ITGA6: variants seen among roughly 807,000 people sequenced by gnomAD.
The protein encoded by ITGA6 is integrin subunit alpha 6.
Under a neutral mutation model 133.6 loss-of-function variants are expected in ITGA6, and 63 were observed. The observed-to-expected ratio is 0.47, with a 90% CI of 0.38 to 0.58. The LOEUF is 0.58. Among genes scored for constraint, ITGA6 ranks in the 20% least tolerant of loss-of-function variants. The pLI is 0.00. For missense variants in ITGA6, 1,068 were observed against 1,309.4 expected (o/e 0.82, Z 2.85); for synonymous variants, 434 against 482.0 (o/e 0.90, Z 1.30).
At chr2:172,456,005 G>T (rs1366864158) in intron 1 of ITGA6, among the ~76,000 whole-genome samples, 1 of 152,224 alleles carries the variant, frequency 6.6e-6, no homozygotes, top group African/African-American at 2.4e-5. Flanking sequence ...AGGCAGGGAA[G>T]TGGGGGGACC....
At chr2:172,475,772 A>C in intron 8 of ITGA6, 87 bp downstream of exon 8, 1 of 797,868 alleles carries the variant, frequency 1.3e-6, no homozygotes, top group Non-Finnish European at 2.3e-6. Context: ...CTTTTCACAC[A>C]AATCTTATTT....
At chr2:172,444,708 C>T (rs930421543) in intron 1 of ITGA6, among the ~76,000 whole-genome samples, 5 of 142,626 alleles carry the variant, frequency 3.5e-5, no homozygotes, top group Non-Finnish European at 7.6e-5. Context: ...GTTTCTTTCT[C>T]TACTTCCCTG....
At chr2:172,502,452 G>C (rs74619114) in intron 25 of ITGA6, among the ~76,000 whole-genome samples, 1 of 152,092 alleles carries the variant, frequency 6.6e-6, no homozygotes, top group East Asian at 1.9e-4. Context: ...GCTTTTTACT[G>C]TTGCTCAGGA....
intron 1 of ITGA6, 144 bp downstream of exon 1, chr2:172,428,114 A>G (rs1472171078): frequency 5.6e-6 from 4 of 714,334 alleles, no homozygotes; most frequent in East Asian, 4.4e-5. Context: ...CCCAGCGCCC[A>G]GCGCGCTCGG....
chr2:172,466,547 G>C lies in ITGA6; in HGVS notation c.307+884G>C, dbSNP rs146479038. Reference sequence around the variant, plus strand: ...AGGCGTGAGAATTGTTTGAACCTGGGAGGCAGAGGCTGCAGTGAGCCAAAA... The same window carrying C: ...AGGCGTGAGAATTGTTTGAACCTGGCAGGCAGAGGCTGCAGTGAGCCAAAA... On this transcript the variant is annotated intron_variant, in intron 2 of 25. Transcript: ENST00000684293. 5.1e-3 allele frequency among the ~76,000 whole-genome samples: 784 copies of C among 152,262 alleles called. 18 individuals are homozygous for C. Among genetic ancestry groups the C allele is most frequent in the East Asian group, 0.044 (226 of 5,174 alleles).
chr2:172,463,226 C>T (rs949368761), intron 1 of ITGA6, among the ~76,000 whole-genome samples: 1 of 152,144 alleles, frequency 6.6e-6, no homozygotes, highest in African/African-American at 2.4e-5. Context: ...GGAAATAAGC[C>T]CTGTGCCTGC....
chr2:172,471,546 C>T (rs1017314809), intron 5 of ITGA6, among the ~76,000 whole-genome samples: 1 of 152,146 alleles, frequency 6.6e-6, no homozygotes, highest in African/African-American at 2.4e-5. Context: ...AAGTCAAGAC[C>T]TCCAGGTCCT....
chr2:172,451,592 A>C (rs1292460762), intron 1 of ITGA6, among the ~76,000 whole-genome samples: 1 of 152,034 alleles, frequency 6.6e-6, no homozygotes, highest in Non-Finnish European at 1.5e-5. Context: ...CTGAGTATGG[A>C]GTTAGGAGAG....
rs1176658454 is a variant in ITGA6 at position 172,497,959 on chromosome 2, C to A, written c.2989-16C>A. On this transcript the variant is annotated splice_polypyrimidine_tract_variant and intron_variant, in intron 23 of 25. Coordinates refer to ENST00000684293, the MANE Select transcript of ITGA6 (RefSeq NM_000210.4). ...CCGCTGTATGTAGTAATGCTGCTTT[C>A]TTTTCTGCCCTGTAGGTTCGAGTGA... 2 of 1,613,736 alleles carry A rather than the reference C, an allele frequency of 1.2e-6. No homozygotes were observed. The highest frequency in any genetic ancestry group is 1.7e-5 in the Admixed American group (1 of 60,024).
chr2:172,459,077 A>T (rs1399201132), intron 1 of ITGA6, among the ~76,000 whole-genome samples: 1 of 152,170 alleles, frequency 6.6e-6, no homozygotes, highest in Non-Finnish European at 1.5e-5. Context: ...GAAAGAGGAC[A>T]GAAAACATAC....
At chr2:172,495,085 G>A (rs1223410903) in intron 23 of ITGA6, among the ~76,000 whole-genome samples, 1 of 152,144 alleles carries the variant, frequency 6.6e-6, no homozygotes, top group Non-Finnish European at 1.5e-5. Context: ...TCCCTTCATT[G>A]GGTGACTTCC....
chr2:172,501,881 A>C lies in ITGA6; in HGVS notation c.*2A>C. The C allele has an allele frequency of 6.2e-7, 1 of 1,612,208 alleles. No homozygotes were observed. Among genetic ancestry groups the C allele is most frequent in the Non-Finnish European group, 8.5e-7 (1 of 1,179,322 alleles). ...GAGAGGCTTACTTCTGATGCATAGT[A>C]TTGATCTACTTCTGTAATTGGTAAT... is the stretch of plus-strand genomic sequence containing the variant. On this transcript the variant is annotated 3_prime_UTR_variant, in exon 25 of 26. Transcript: ENST00000684293.
At chr2:172,446,663 G>A (rs919261468) in intron 1 of ITGA6, among the ~76,000 whole-genome samples, 12 of 152,208 alleles carry the variant, frequency 7.9e-5, no homozygotes, top group African/African-American at 2.7e-4. Context: ...TTTGGCAACT[G>A]ATAAGTCGGG....
rs575181457 is a variant in ITGA6 at position 172,444,104 on chromosome 2, A to G, written c.182+16134A>G. On this transcript the variant is annotated intron_variant, in intron 1 of 25. Transcript: ENST00000684293. The stretch of plus-strand genomic sequence containing the variant: ...TTTCATTTGATCCTTGCAACACCCT[A>G]TGAGAATATTTAGATAGAACGATTT... Among the ~76,000 whole-genome samples the G allele has an allele frequency of 2.6e-5, 4 of 152,262 alleles. No individual in the cohort carries two copies. The East Asian group carries it at 5.8e-4, about 22-fold the overall frequency.
At chr2:172,438,010 A>C (rs911729561) in intron 1 of ITGA6, among the ~76,000 whole-genome samples, 1 of 151,724 alleles carries the variant, frequency 6.6e-6, no homozygotes, top group Admixed American at 6.6e-5. Flanking sequence ...GCAATGCCTA[A>C]TTGGAGTGGG....
intron 19 of ITGA6, 30 bp downstream of exon 19, chr2:172,488,258 T>C: frequency 4.3e-6 from 6 of 1,398,236 alleles, no homozygotes; most frequent in Non-Finnish European, 6.1e-6. Context: ...CTTTTCATTA[T>C]ACCAAAAGCT....
At chr2:172,464,184 C>G (rs1020305299) in intron 1 of ITGA6, 1 of 152,322 alleles carries the variant, frequency 6.6e-6, no homozygotes, top group Non-Finnish European at 1.5e-5. Context: ...ATCTGGCCCC[C>G]CTCCCTGCTT....
At chr2:172,452,513 G>A (rs1373902712) in intron 1 of ITGA6, among the ~76,000 whole-genome samples, 1 of 152,196 alleles carries the variant, frequency 6.6e-6, no homozygotes, top group Non-Finnish European at 1.5e-5. Context: ...GTGTGGGAGT[G>A]CGAACAAAGA....
intron 1 of ITGA6, among the ~76,000 whole-genome samples, chr2:172,436,449 TGTGAGGATC>T (rs760548348): frequency 1.3e-5 from 2 of 152,126 alleles, no homozygotes; most frequent in Non-Finnish European, 2.9e-5. Flanking sequence ...GGAGAGGCGT[TGTGAGGATC>T]CTCATTCAGG....
Sources: gnomAD v4.1 joint callset for allele counts (sites outside exome capture counted in the v4.1 genomes callset) on GRCh38, gnomAD v4.1.1 for gene constraint, MANE v1.5 for transcripts, NCBI Gene and HGNC (gene_info 2026-07-23, HGNC 2026-07-21) for gene names.